Variants in MAPKAP1 observed in about 807,000 individuals in gnomAD.
MAPKAP1 encodes the protein MAPK associated protein 1.
In MAPKAP1, 20 loss-of-function variants were observed where a neutral mutation model predicts 65.7. That is an observed-to-expected ratio of 0.30 (90% CI 0.21 to 0.44). The LOEUF is 0.44. Among genes scored for constraint, MAPKAP1 ranks in the 20% least tolerant of loss-of-function variants. MAPKAP1 has a pLI of 1.00. For missense variants in MAPKAP1, 423 were observed against 648.0 expected, an observed-to-expected ratio of 0.65 and a Z score of 3.77; for synonymous variants, 222 against 244.3, an observed-to-expected ratio of 0.91 and a Z score of 0.85.
chr9:125,697,025 T>G (rs1486392680), intron 1 of MAPKAP1, among the ~76,000 whole-genome samples: 3 of 152,214 alleles, frequency 2.0e-5, no homozygotes, highest in African/African-American at 7.2e-5. Flanking sequence ...GGCCTACTCG[T>G]TGTCCCTGTG....
At chr9:125,622,407 C>T (rs573745232) in intron 4 of MAPKAP1, among the ~76,000 whole-genome samples, 1 of 152,136 alleles carries the variant, frequency 6.6e-6, no homozygotes, top group African/African-American at 2.4e-5. Flanking sequence ...ACTATGTACC[C>T]CCATAAATAT....
chr9:125,566,643 C>T (rs929562367), intron 5 of MAPKAP1, among the ~76,000 whole-genome samples: 5 of 152,084 alleles, frequency 3.3e-5, no homozygotes, highest in East Asian at 1.9e-4. Flanking sequence ...AAGTAATCTC[C>T]GCCTTCATTA....
chr9:125,578,547 A>G (rs1329350283), intron 5 of MAPKAP1, among the ~76,000 whole-genome samples: 1 of 152,244 alleles, frequency 6.6e-6, no homozygotes, highest in African/African-American at 2.4e-5. Flanking sequence ...CTAAAACAGA[A>G]GGCAAAAGTA....
rs540602529 is a variant in MAPKAP1 at position 125,467,043 on chromosome 9, C to T, written c.1345+929G>A. Among the ~76,000 whole-genome samples the T allele has an allele frequency of 4.6e-5, 7 of 152,230 alleles. No homozygotes were observed. In the South Asian group the frequency reaches 6.2e-4, roughly 14 times the overall value. ...TCTCAAATTTAGTGAATGTTGGACA[C>T]GGGATTAATAAAAATTAGATGCTCA... On this transcript the variant is annotated intron_variant, in intron 10 of 11. Transcript: ENST00000265960.
rs189532459 is a variant in MAPKAP1, at chr9:125,524,108, T to C, written c.959-17691A>G. 1.2e-3 allele frequency among the ~76,000 whole-genome samples: 182 copies of C among 152,378 alleles called. 1 individual carries two copies. The highest frequency in any genetic ancestry group is 1.6e-3 in the African/African-American group (66 of 41,596). On this transcript the variant is annotated intron_variant, in intron 7 of 11. Coordinates refer to ENST00000265960, the MANE Select transcript of MAPKAP1 (RefSeq NM_001006617.3). ...GCTTGAGGACTGCAACCTAGGAGCA[T>C]AGATTTAGGTTGCCCTAAATACACT... is the stretch of plus-strand genomic sequence containing the variant.
intron 7 of MAPKAP1, among the ~76,000 whole-genome samples, chr9:125,542,453 C>T (rs933151973): frequency 2.0e-5 from 3 of 152,158 alleles, no homozygotes; most frequent in African/African-American, 7.2e-5. Flanking sequence ...TGAGCTATTT[C>T]TCAAGATGAT....
chr9:125,550,045 A>G (rs2133190237), intron 6 of MAPKAP1, among the ~76,000 whole-genome samples: 1 of 152,360 alleles, frequency 6.6e-6, no homozygotes, highest in South Asian at 2.1e-4. Flanking sequence ...AAAGTTTTGC[A>G]AACTGTTTCT....
intron 4 of MAPKAP1, among the ~76,000 whole-genome samples, chr9:125,620,118 G>C (rs1832853844): frequency 6.6e-6 from 1 of 152,212 alleles, no homozygotes; most frequent in Non-Finnish European, 1.5e-5. Flanking sequence ...AGACCAGCCT[G>C]GCCAACATGG....
At chr9:125,474,204 T>C (rs1854024531) in intron 9 of MAPKAP1, among the ~76,000 whole-genome samples, 1 of 152,082 alleles carries the variant, frequency 6.6e-6, no homozygotes, top group African/African-American at 2.4e-5. Context: ...CTTCTCTACA[T>C]CCCAGTCTTG....
chr9:125,559,864 G>T, intron 5 of MAPKAP1, 55 bp from the exon 6 acceptor site: 2 of 1,546,536 alleles, frequency 1.3e-6, no homozygotes, highest in South Asian at 1.2e-5. Flanking sequence ...GGGACAAGAA[G>T]ACCAGAGGGT....
intron 7 of MAPKAP1, among the ~76,000 whole-genome samples, chr9:125,532,765 CCG>C (rs2133143809): frequency 6.6e-6 from 1 of 152,290 alleles, no homozygotes; most frequent in South Asian, 2.1e-4. Flanking sequence ...CCAAAATAAA[CCG>C]GTTAAGGGGT....
intron 4 of MAPKAP1, among the ~76,000 whole-genome samples, chr9:125,626,862 TAGA>T (rs1833133864): frequency 6.6e-6 from 1 of 152,352 alleles, no homozygotes. Context: ...CTAACATATA[TAGA>T]AGATTTATGA....
intron 1 of MAPKAP1, among the ~76,000 whole-genome samples, chr9:125,697,256 T>C (rs1835413859): frequency 6.6e-6 from 1 of 152,238 alleles, no homozygotes; most frequent in Non-Finnish European, 1.5e-5. Flanking sequence ...AACTTCACAA[T>C]CACCTGCATT....
chr9:125,525,756 T>A (rs1829747006), intron 7 of MAPKAP1, among the ~76,000 whole-genome samples: 1 of 149,192 alleles, frequency 6.7e-6, no homozygotes, highest in South Asian at 2.1e-4. Context: ...ACCAGGTAGG[T>A]CTTCTAGAAC....
chr9:125,496,080 G>C (rs1428666046), intron 8 of MAPKAP1, among the ~76,000 whole-genome samples: 1 of 152,170 alleles, frequency 6.6e-6, no homozygotes, highest in Non-Finnish European at 1.5e-5. Context: ...ACAGGGTAGG[G>C]AATACCATCA....
At chr9:125,468,915 T>C (rs1232562957) in intron 9 of MAPKAP1, among the ~76,000 whole-genome samples, 1 of 152,220 alleles carries the variant, frequency 6.6e-6, no homozygotes, top group Non-Finnish European at 1.5e-5. Context: ...ACAAAGGTAA[T>C]GCCAGGTATG....
intron 1 of MAPKAP1, among the ~76,000 whole-genome samples, chr9:125,701,324 T>C (rs1003872378): frequency 3.9e-5 from 6 of 152,350 alleles, no homozygotes; most frequent in African/African-American, 1.4e-4. Flanking sequence ...AAAAGTATAC[T>C]CAAGTATAGG....
At chr9:125,621,142 T>G (rs1357863297) in intron 4 of MAPKAP1, among the ~76,000 whole-genome samples, 1 of 151,936 alleles carries the variant, frequency 6.6e-6, no homozygotes, top group Admixed American at 6.6e-5. Context: ...TGTGGTGGCA[T>G]GTGCCTGTAG....
rs145402936 is a variant in MAPKAP1 at position 125,442,066 on chromosome 9, T to C, written c.1443+2435A>G. On this transcript the variant is annotated intron_variant, in intron 11 of 11. Transcript: ENST00000265960. Reference sequence around the variant, plus strand: ...ATCACTTGAACCCGGGAGGTGGAGGTTGCAGTGTGCAGAGATCACACGACT... The same window carrying C: ...ATCACTTGAACCCGGGAGGTGGAGGCTGCAGTGTGCAGAGATCACACGACT... Among the ~76,000 whole-genome samples, 305 of 143,816 alleles carry C rather than the reference T, an allele frequency of 2.1e-3. 3 individuals carry two copies. The East Asian group carries it at 0.046, about 21-fold the overall frequency. 94.3% of individuals were successfully genotyped at this position (143,816 alleles called of 152,430 possible).
Sources: allele counts gnomAD v4.1 joint callset (sites outside exome capture counted in the v4.1 genomes callset), GRCh38; gene constraint gnomAD v4.1.1; transcripts MANE v1.5; gene names NCBI Gene and HGNC (gene_info 2026-07-23, HGNC 2026-07-21).